The following EYS variants were observed in gnomAD, a reference collection of about 807,000 sequenced individuals.
EYS encodes the protein EGF-like photoreceptor maintenance factor, also known as protein eyes shut homolog.
EYS carries 250 observed loss-of-function variants against 282.1 expected under a neutral mutation model. The observed-to-expected ratio is 0.89, with a 90% CI of 0.80 to 0.98. EYS has a LOEUF of 0.98. Ranked by LOEUF, EYS falls within the 50% of genes least tolerant of loss-of-function variation. The pLI, the probability that EYS is intolerant of heterozygous loss-of-function variation, is 0.00. For missense variants in EYS, 4,016 were observed against 3,709.0 expected, an observed-to-expected ratio of 1.08 and a Z score of -2.15; for synonymous variants, 1,355 against 1,282.9, an observed-to-expected ratio of 1.06 and a Z score of -1.20.
intron 12 of EYS, 92 bp from the exon 13 acceptor site, chr6:65,057,819 CT>C: frequency 1.2e-6 from 1 of 858,788 alleles, no homozygotes; most frequent in Non-Finnish European, 1.9e-6. Flanking sequence ...CTTTAATCCA[CT>C]TAGGATGACA....
chr6:64,334,531 G>A (rs1329513853), intron 29 of EYS, among the ~76,000 whole-genome samples: 1 of 152,140 alleles, frequency 6.6e-6, no homozygotes, highest in African/African-American at 2.4e-5. Flanking sequence ...GGCCAGCTGG[G>A]CACAAGATGG....
At chr6:63,905,532 A>C (rs1581959696) in intron 35 of EYS, among the ~76,000 whole-genome samples, 1 of 152,042 alleles carries the variant, frequency 6.6e-6, no homozygotes, top group African/African-American at 2.4e-5. Flanking sequence ...GGGTTTCACC[A>C]TGTTAGCCAG....
chr6:64,723,086 G>GAT (rs1491243114), intron 22 of EYS, among the ~76,000 whole-genome samples: 1 of 13,000 alleles, frequency 7.7e-5, no homozygotes, highest in Non-Finnish European at 4.2e-4. Context: ...AAGGCCCTAA[G>GAT]GAAAAAAAAA....
chr6:64,714,730 G>A (rs1383204265), intron 22 of EYS, among the ~76,000 whole-genome samples: 3 of 151,852 alleles, frequency 2.0e-5, no homozygotes, highest in African/African-American at 7.3e-5. Context: ...GTTTCACCTT[G>A]TTAGCCAGGA....
chr6:63,847,613 C>T (rs1285180505), intron 36 of EYS, among the ~76,000 whole-genome samples: 1 of 152,188 alleles, frequency 6.6e-6, no homozygotes, highest in South Asian at 2.1e-4. Flanking sequence ...AACTGGGAGT[C>T]TTTCTAAAAA....
chr6:64,198,747 T>A (rs1214293183), intron 31 of EYS, among the ~76,000 whole-genome samples: 4 of 152,240 alleles, frequency 2.6e-5, no homozygotes, highest in Non-Finnish European at 5.9e-5. Context: ...TTGGATTGGT[T>A]CCAAGTCTTT....
intron 33 of EYS, among the ~76,000 whole-genome samples, chr6:64,000,706 G>A (rs1180276482): frequency 2.0e-5 from 3 of 152,012 alleles, no homozygotes; most frequent in African/African-American, 7.2e-5. Flanking sequence ...CCCTCTTAAA[G>A]GCGCAACTGT....
rs181825469 is a variant in EYS, at chr6:63,768,234, T to C, written c.7899-5601A>G. On this transcript the variant is annotated intron_variant, in intron 40 of 42. Transcript: ENST00000503581. Reference sequence around the variant, plus strand: ...ACAAAAATTGACAAGTGGGACCTAATTAAACCAAAGAGCTTCTGCACAGCA... The same window carrying C: ...ACAAAAATTGACAAGTGGGACCTAACTAAACCAAAGAGCTTCTGCACAGCA... 2.1e-4 allele frequency among the ~76,000 whole-genome samples: 32 copies of C among 152,028 alleles called. No homozygotes were observed. In the East Asian group the frequency reaches 6.0e-3, roughly 29 times the overall value.
chr6:64,258,588 A>G (rs1195548138), intron 30 of EYS, among the ~76,000 whole-genome samples: 1 of 152,096 alleles, frequency 6.6e-6, no homozygotes, highest in Non-Finnish European at 1.5e-5. Context: ...GGAATATGAC[A>G]GCTATCCTGT....
intron 2 of EYS, among the ~76,000 whole-genome samples, chr6:65,600,878 A>G (rs956349301): frequency 7.9e-5 from 12 of 151,898 alleles, no homozygotes; most frequent in African/African-American, 2.9e-4. Context: ...TCCTTTCCCT[A>G]TTGTTTTAGG....
intron 14 of EYS, among the ~76,000 whole-genome samples, chr6:64,981,579 C>A (rs1770666395): frequency 6.6e-6 from 1 of 151,216 alleles, no homozygotes; most frequent in African/African-American, 2.4e-5. Flanking sequence ...GGTCAGGTAA[C>A]CGAAGCATAG....
intron 31 of EYS, among the ~76,000 whole-genome samples, chr6:64,183,899 T>G (rs1388389235): frequency 1.3e-5 from 2 of 152,122 alleles, no homozygotes; most frequent in African/African-American, 4.8e-5. Flanking sequence ...GAGAAAACAC[T>G]TCTTTTCTTT....
intron 22 of EYS, among the ~76,000 whole-genome samples, chr6:64,699,124 T>C (rs1271864462): frequency 6.6e-6 from 1 of 152,116 alleles, no homozygotes; most frequent in Non-Finnish European, 1.5e-5. Flanking sequence ...ATATATACCA[T>C]AGAATATTAT....
intron 22 of EYS, among the ~76,000 whole-genome samples, chr6:64,675,576 C>T (rs1351582303): frequency 6.6e-6 from 1 of 151,646 alleles, no homozygotes; most frequent in African/African-American, 2.4e-5. Context: ...GTTACAGGTG[C>T]CCACCCCCAT....
intron 8 of EYS, among the ~76,000 whole-genome samples, chr6:65,382,545 T>G (rs1455784219): frequency 1.3e-5 from 2 of 150,270 alleles, no homozygotes; most frequent in Non-Finnish European, 3.0e-5. Flanking sequence ...GTCAAGGTTC[T>G]CTAGGGGGAC....
chr6:65,362,136 C>T (rs1029557660), intron 8 of EYS, among the ~76,000 whole-genome samples: 9 of 152,026 alleles, frequency 5.9e-5, no homozygotes, highest in Non-Finnish European at 1.3e-4. Context: ...TAATTCATCA[C>T]CAAGTATTTG....
intron 12 of EYS, among the ~76,000 whole-genome samples, chr6:65,206,285 C>T (rs959013940): frequency 6.6e-6 from 1 of 151,352 alleles, no homozygotes; most frequent in Admixed American, 6.6e-5. Context: ...AACTAGAAAA[C>T]TTAAAGGATG....
At chr6:63,827,995 A>G (rs539391170) in intron 36 of EYS, among the ~76,000 whole-genome samples, 146 of 152,344 alleles carry the variant, frequency 9.6e-4, no homozygotes, top group African/African-American at 2.9e-3. Flanking sequence ...TGAGTATTTG[A>G]TAAAAAGACA....
intron 36 of EYS, among the ~76,000 whole-genome samples, chr6:63,856,014 A>AG (rs1440233962): frequency 9.0e-6 from 1 of 110,584 alleles, no homozygotes; most frequent in African/African-American, 3.2e-5. Context: ...GTTTCAGTGA[A>AG]GTTTTTTTTT....
Sources: gnomAD v4.1 joint callset for allele counts (sites outside exome capture counted in the v4.1 genomes callset) on GRCh38, gnomAD v4.1.1 for gene constraint, MANE v1.5 for transcripts, NCBI Gene and HGNC (gene_info 2026-07-23, HGNC 2026-07-21) for gene names.